The following SERPINI2 variants were observed in gnomAD, a reference collection of about 807,000 sequenced individuals.
SERPINI2 encodes the protein serpin family I member 2.
SERPINI2 carries 48 observed loss-of-function variants against 47.3 expected under a neutral mutation model. That is an observed-to-expected ratio of 1.02 (90% CI 0.81 to 1.29). SERPINI2 has a LOEUF of 1.29. SERPINI2 is among the 50% of genes most tolerant of loss of function. The pLI is 0.00. For missense variants in SERPINI2, 448 were observed against 456.9 expected, an observed-to-expected ratio of 0.98 and a Z score of 0.18; for synonymous variants, 135 against 149.3, an observed-to-expected ratio of 0.90 and a Z score of 0.70.
chr3:167,467,680 T>C (rs1000212167), intron 2 of SERPINI2, among the ~76,000 whole-genome samples: 8 of 152,188 alleles, frequency 5.3e-5, no homozygotes, highest in Admixed American at 1.3e-4. Context: ...TGAATGCTGA[T>C]GGGGGCATGA....
At chr3:167,448,610 C>T (rs1749546492) in intron 7 of SERPINI2, among the ~76,000 whole-genome samples, 1 of 152,156 alleles carries the variant, frequency 6.6e-6, no homozygotes, top group African/African-American at 2.4e-5. Context: ...ACAAGCTCTG[C>T]CTCCTGGGTT....
At chr3:167,456,280 G>A (rs968375441) in intron 5 of SERPINI2, among the ~76,000 whole-genome samples, 3 of 151,754 alleles carry the variant, frequency 2.0e-5, no homozygotes, top group African/African-American at 4.8e-5. Context: ...TGTATGCCTA[G>A]TATTCCCATT....
chr3:167,455,389 TC>T (rs1324980039), intron 5 of SERPINI2, among the ~76,000 whole-genome samples: 1 of 152,188 alleles, frequency 6.6e-6, no homozygotes, highest in Non-Finnish European at 1.5e-5. Flanking sequence ...ATGACCTACT[TC>T]TGGCCTCCAG....
intron 8 of SERPINI2, among the ~76,000 whole-genome samples, chr3:167,443,895 A>AGAC (rs1399452052): frequency 6.6e-6 from 1 of 152,188 alleles, no homozygotes; most frequent in Non-Finnish European, 1.5e-5. Flanking sequence ...ATTTAGAGGC[A>AGAC]GACTGAAGCA....
rs1749889611 is a variant in SERPINI2 at position 167,458,771 on chromosome 3, TTC to T, written c.867-5740_867-5739del. Among the ~76,000 whole-genome samples the T allele has an allele frequency of 5.9e-5, 9 of 152,336 alleles. No individual in the cohort carries two copies. In the South Asian group the frequency reaches 1.9e-3, roughly 32 times the overall value. On this transcript the variant is annotated intron_variant, in intron 5 of 8. Coordinates refer to ENST00000264677, the Ensembl canonical transcript of SERPINI2. ...ACCCAATAGACACGAGAGCTGATCC[TTC>T]TCTGTCAATACTCATTGAATGGCAA...
At chr3:167,442,676 T>G (rs1560228004) in intron 8 of SERPINI2, among the ~76,000 whole-genome samples, 1 of 152,256 alleles carries the variant, frequency 6.6e-6, no homozygotes, top group Non-Finnish European at 1.5e-5. Context: ...GACAATATTT[T>G]TATATCTCTA....
chr3:167,470,650 C>T (rs1050152753), intron 2 of SERPINI2, among the ~76,000 whole-genome samples: 5 of 147,436 alleles, frequency 3.4e-5, no homozygotes, highest in African/African-American at 1.3e-4. Context: ...CAACCTCTGC[C>T]TCTTGGGTTC....
Position 167,449,138 on chromosome 3 carries a change from T to C in SERPINI2, c.1051+178A>G, listed in dbSNP as rs577787012. 5.3e-5 allele frequency among the ~76,000 whole-genome samples: 8 copies of C among 152,354 alleles called. No individual in the cohort carries two copies. In the East Asian group the frequency reaches 1.5e-3, roughly 29 times the overall value. On this transcript the variant is annotated intron_variant, in intron 7 of 8. Coordinates refer to ENST00000264677, the Ensembl canonical transcript of SERPINI2. ...ACCCCTTCCCTTCCTTTTTGTATCATGCTGTGACTGAAGAGAAATATGAAC... is the reference window on the plus strand; with the variant it reads ...ACCCCTTCCCTTCCTTTTTGTATCACGCTGTGACTGAAGAGAAATATGAAC...
intron 3 of SERPINI2, among the ~76,000 whole-genome samples, chr3:167,466,105 T>C (rs1287154205): frequency 1.3e-5 from 2 of 152,206 alleles, no homozygotes; most frequent in African/African-American, 4.8e-5. Context: ...CCACTGACCA[T>C]TGGAAAGGGA....
At chr3:167,470,460 G>A (rs1230447796) in intron 2 of SERPINI2, among the ~76,000 whole-genome samples, 1 of 146,380 alleles carries the variant, frequency 6.8e-6, no homozygotes, top group Non-Finnish European at 1.5e-5. Context: ...TCTGTATTTA[G>A]AACACAGTAT....
At chr3:167,448,544 A>G (rs1749544449) in intron 7 of SERPINI2, among the ~76,000 whole-genome samples, 1 of 152,080 alleles carries the variant, frequency 6.6e-6, no homozygotes, top group African/African-American at 2.4e-5. Context: ...TTGTTTTGAG[A>G]TGGAGTCTCG....
exon 4 of SERPINI2, chr3:167,465,640 A>G (rs750318680): frequency 1.2e-6 from 2 of 1,610,584 alleles, no homozygotes; most frequent in Non-Finnish European, 1.7e-6. Context: ...CAGAGGGCCA[A>G]ATTCTTCCCC....
In SERPINI2 at chr3:167,465,203, A is replaced by G. The variant is rs73878706; in HGVS notation, c.866+3T>C. On this transcript the variant is annotated splice_donor_region_variant and intron_variant, in intron 5 of 8. Coordinates refer to ENST00000264677, the Ensembl canonical transcript of SERPINI2. ...ACTCGTATAATAAAATAACATCACC[A>G]ACCTAGGGAGGCTTATTTCTACTTC... The G allele has an allele frequency of 1.2e-3, 1,976 of 1,599,946 alleles. 13 individuals are homozygous for G. The African/African-American group carries it at 0.015, about 12-fold the overall frequency.
At chr3:167,445,620 CAG>C (rs1230054403) in intron 8 of SERPINI2, among the ~76,000 whole-genome samples, 1 of 152,198 alleles carries the variant, frequency 6.6e-6, no homozygotes, top group African/African-American at 2.4e-5. Context: ...GGCCTGAATA[CAG>C]AGATGAGTAA....
At chr3:167,471,736 A>T (rs1475835639) in exon 2 of SERPINI2, 1 of 1,613,610 alleles carries the variant, frequency 6.2e-7, no homozygotes, top group Non-Finnish European at 8.5e-7. Flanking sequence ...CCTCTTGATA[A>T]AGATCCACTG....
At chr3:167,471,329 A>C (rs918679823) in intron 2 of SERPINI2, among the ~76,000 whole-genome samples, 1 of 152,140 alleles carries the variant, frequency 6.6e-6, no homozygotes, top group African/African-American at 2.4e-5. Flanking sequence ...TGGCTAAAAC[A>C]AACTAAAAGA....
chr3:167,461,315 A>G (rs1749975161), intron 5 of SERPINI2, among the ~76,000 whole-genome samples: 2 of 152,202 alleles, frequency 1.3e-5, no homozygotes, highest in African/African-American at 4.8e-5. Context: ...GAATAGAAGT[A>G]TGTAATGAGA....
At chr3:167,446,053 A>T (rs2108150111) in intron 8 of SERPINI2, among the ~76,000 whole-genome samples, 1 of 152,252 alleles carries the variant, frequency 6.6e-6, no homozygotes, top group South Asian at 2.1e-4. Flanking sequence ...TCCCACTCTG[A>T]CACTTTCTAG....
Position 167,465,408 on chromosome 3 carries a change from A to T in SERPINI2, c.674-10T>A. ...GATTCAGAAAAATAACCTGGAATAGACAAAATAAAATATCAAATATACTTG... is the reference window on the plus strand; with the variant it reads ...GATTCAGAAAAATAACCTGGAATAGTCAAAATAAAATATCAAATATACTTG... On this transcript the variant is annotated splice_polypyrimidine_tract_variant and intron_variant, in intron 4 of 8. Coordinates refer to ENST00000264677, the Ensembl canonical transcript of SERPINI2. 1 of 1,602,454 alleles carries T rather than the reference A, an allele frequency of 6.2e-7. No homozygotes were observed. Among genetic ancestry groups the T allele is most frequent in the Non-Finnish European group, 8.5e-7 (1 of 1,177,184 alleles).
Sources: gnomAD v4.1 joint callset for allele counts (sites outside exome capture counted in the v4.1 genomes callset) on GRCh38, gnomAD v4.1.1 for gene constraint, MANE v1.5 for transcripts, NCBI Gene and HGNC (gene_info 2026-07-23, HGNC 2026-07-21) for gene names.